Variants in ZNF385D observed in about 807,000 individuals in gnomAD.
The protein encoded by ZNF385D is zinc finger protein 385D.
In ZNF385D, 15 loss-of-function variants were observed where a neutral mutation model predicts 35.8. That is an observed-to-expected ratio of 0.42 (90% CI 0.28 to 0.64). ZNF385D has a LOEUF of 0.64. Among genes scored for constraint, ZNF385D ranks in the 30% least tolerant of loss-of-function variants. The pLI is 0.23. For missense variants in ZNF385D, 474 were observed against 494.6 expected (o/e 0.96, Z 0.39); for synonymous variants, 212 against 186.8 (o/e 1.13, Z -1.10).
intron 3 of ZNF385D, among the ~76,000 whole-genome samples, chr3:21,827,347 C>T (rs1694705546): frequency 6.6e-6 from 1 of 152,072 alleles, no homozygotes; most frequent in Admixed American, 6.5e-5. Context: ...CACACATATA[C>T]ACACGCATAT....
At chr3:22,177,022 C>A (rs961433410) in intron 2 of ZNF385D, among the ~76,000 whole-genome samples, 1 of 152,072 alleles carries the variant, frequency 6.6e-6, no homozygotes. Context: ...GTACACAAAT[C>A]TTTTCCTGTA....
chr3:22,207,700 G>T (rs984654473), intron 2 of ZNF385D, among the ~76,000 whole-genome samples: 31 of 151,734 alleles, frequency 2.0e-4, no homozygotes, highest in African/African-American at 7.5e-4. Flanking sequence ...ATCTGATAAA[G>T]GACAAATAAC....
chr3:21,560,728 G>A (rs1222236841), intron 3 of ZNF385D, among the ~76,000 whole-genome samples: 2 of 152,194 alleles, frequency 1.3e-5, no homozygotes, highest in Non-Finnish European at 2.9e-5. Context: ...ATTTACATCT[G>A]CTGAAGCTGC....
At chr3:21,777,536 A>G (rs939896408) in intron 3 of ZNF385D, 1 of 151,930 alleles carries the variant, frequency 6.6e-6, no homozygotes, top group Non-Finnish European at 1.5e-5. Flanking sequence ...TCAGACAGAG[A>G]GAGAAGAATC....
intron 2 of ZNF385D, among the ~76,000 whole-genome samples, chr3:22,177,134 C>T (rs995986177): frequency 2.0e-5 from 3 of 152,152 alleles, no homozygotes; most frequent in African/African-American, 7.2e-5. Flanking sequence ...TGCCACACAG[C>T]GTGTCTGCCA....
chr3:21,834,593 C>T (rs1452794720), intron 3 of ZNF385D, among the ~76,000 whole-genome samples: 2 of 152,162 alleles, frequency 1.3e-5, no homozygotes, highest in African/African-American at 4.8e-5. Flanking sequence ...GTACTCCCAG[C>T]TAAGTGAGCC....
In ZNF385D at chr3:22,079,389, TA is replaced by T. The variant is rs147108072; in HGVS notation, c.325+89427del. Among the ~76,000 whole-genome samples the T allele has an allele frequency of 1.3e-3, 203 of 152,060 alleles. 1 individual carries two copies. The highest frequency in any genetic ancestry group is 4.5e-3 in the African/African-American group (186 of 41,540). Reference sequence around the variant, plus strand: ...TACAACATTAATTATATAATTAATATAAAAATATGAAGTAAAAATTGACATT... The same window carrying T: ...TACAACATTAATTATATAATTAATATAAAATATGAAGTAAAAATTGACATT... On this transcript the variant is annotated intron_variant, in intron 3 of 5. Transcript: ENST00000494108.
intron 3 of ZNF385D, among the ~76,000 whole-genome samples, chr3:21,969,620 G>C (rs561245718): frequency 2.6e-5 from 4 of 152,180 alleles, no homozygotes; most frequent in Admixed American, 6.5e-5. Flanking sequence ...CCTGGTGCCA[G>C]GGTAACTCAT....
chr3:22,343,862 C>T (rs1296272759), intron 2 of ZNF385D, among the ~76,000 whole-genome samples: 1 of 152,098 alleles, frequency 6.6e-6, no homozygotes, highest in Non-Finnish European at 1.5e-5. Context: ...TCTAAATTAC[C>T]TGGAATGCTT....
In ZNF385D at chr3:22,231,461, C is replaced by T. The variant is rs150163133; in HGVS notation, c.107-62426G>A. On this transcript the variant is annotated intron_variant, in intron 2 of 5. Coordinates refer to the ZNF385D transcript ENST00000494108. ...GTTAGTTTACTGGGTGTCTTGAATC[C>T]TTGACCTGACAAACAGCTTCCCACA... Among the ~76,000 whole-genome samples the T allele has an allele frequency of 1.3e-3, 200 of 152,264 alleles. 3 individuals are homozygous for T. The South Asian group carries it at 0.028, about 21-fold the overall frequency.
chr3:21,458,567 G>C (rs1041385742), intron 4 of ZNF385D, among the ~76,000 whole-genome samples: 3 of 151,686 alleles, frequency 2.0e-5, no homozygotes, highest in South Asian at 2.1e-4. Flanking sequence ...AATGATGAAA[G>C]GATAAATAAA....
intron 1 of ZNF385D, among the ~76,000 whole-genome samples, chr3:21,673,303 T>A (rs543061953): frequency 6.6e-6 from 1 of 152,304 alleles, no homozygotes; most frequent in Admixed American, 6.5e-5. Flanking sequence ...AAACGTCTGA[T>A]AGCCACATGG....
Position 21,798,437 on chromosome 3 carries a change from G to A in ZNF385D, c.326-133409C>T, listed in dbSNP as rs1245906216. ...CGCGGGACCACACTCAACTCCTAGA[G>A]ACATCCTTGGGTCCTTACCATTGGT... On this transcript the variant is annotated intron_variant, in intron 3 of 5. Transcript: ENST00000494108. 2.0e-5 allele frequency among the ~76,000 whole-genome samples: 3 copies of A among 152,140 alleles called. No individual in the cohort carries two copies. The East Asian group carries it at 5.8e-4, about 29-fold the overall frequency.
At chr3:22,356,777 ATGATAGAG>A (rs926529492) in intron 2 of ZNF385D, among the ~76,000 whole-genome samples, 3 of 150,890 alleles carry the variant, frequency 2.0e-5, no homozygotes, top group African/African-American at 7.4e-5. Flanking sequence ...AGATAGACAG[ATGATAGAG>A]TGATAGAAAG....
intron 1 of ZNF385D, among the ~76,000 whole-genome samples, chr3:21,713,041 C>T (rs2068175545): frequency 6.6e-6 from 1 of 152,126 alleles, no homozygotes; most frequent in Non-Finnish European, 1.5e-5. Flanking sequence ...TTCACTTGCC[C>T]ACTATGCCAA....
At chr3:22,182,759 T>G (rs1169755345) in intron 2 of ZNF385D, among the ~76,000 whole-genome samples, 4 of 152,096 alleles carry the variant, frequency 2.6e-5, no homozygotes, top group Non-Finnish European at 5.9e-5. Flanking sequence ...GAATCCAAAT[T>G]GAAAATTACT....
intron 3 of ZNF385D, among the ~76,000 whole-genome samples, chr3:21,789,805 C>T (rs1171238297): frequency 6.6e-6 from 1 of 152,160 alleles, no homozygotes; most frequent in Non-Finnish European, 1.5e-5. Context: ...ATCACTTATA[C>T]CGTAACCAAT....
intron 3 of ZNF385D, among the ~76,000 whole-genome samples, chr3:21,935,158 A>T (rs1268013578): frequency 6.6e-6 from 1 of 152,144 alleles, no homozygotes; most frequent in African/African-American, 2.4e-5. Flanking sequence ...ATAGAAAGAG[A>T]GGCTGTGGAG....
chr3:21,740,427 A>C (rs79209546), intron 1 of ZNF385D, among the ~76,000 whole-genome samples: 18,093 of 152,164 alleles, frequency 0.12, 1,283 homozygotes, highest in South Asian at 0.21. Flanking sequence ...TACAAACACT[A>C]AGTTTTGGGA....
Sources: allele counts gnomAD v4.1 joint callset (sites outside exome capture counted in the v4.1 genomes callset), GRCh38; gene constraint gnomAD v4.1.1; transcripts MANE v1.5; gene names NCBI Gene and HGNC (gene_info 2026-07-23, HGNC 2026-07-21).